The following IPO9 variants were observed in gnomAD, a reference collection of about 807,000 sequenced individuals.
IPO9 encodes the protein importin 9.
In IPO9, 28 loss-of-function variants were observed where a neutral mutation model predicts 128.6. The observed-to-expected ratio is 0.22, with a 90% confidence interval of 0.16 to 0.30. The LOEUF is 0.30. Among genes scored for constraint, IPO9 ranks in the 10% least tolerant of loss-of-function variants. The pLI, the probability that IPO9 is intolerant of heterozygous loss-of-function variation, is 1.00. For synonymous variants in IPO9, 455 were observed against 475.8 expected, an observed-to-expected ratio of 0.96 and a Z score of 0.57; for missense variants, 935 against 1,293.9, an observed-to-expected ratio of 0.72 and a Z score of 4.26.
At position 201,866,721 on chromosome 1, in the gene IPO9, A is replaced by G. The variant is rs1200028194; in HGVS notation, c.1629-12A>G. 2.5e-6 allele frequency: 4 copies of G among 1,591,740 alleles called. No individual in the cohort carries two copies. Among genetic ancestry groups the G allele is most frequent in the South Asian group, 1.1e-5 (1 of 90,550 alleles). On this transcript the variant is annotated splice_polypyrimidine_tract_variant and intron_variant, in intron 14 of 23. Coordinates refer to ENST00000361565, the MANE Select transcript of IPO9 (RefSeq NM_018085.5). ...TTTTTTTAATAATTCTTGCTTATCT[A>G]TCTCTCTCTAGTTATTGTGACCAAC... is the stretch of plus-strand genomic sequence containing the variant.
intron 1 of IPO9, among the ~76,000 whole-genome samples, chr1:201,841,531 G>C (rs766996649): frequency 6.6e-6 from 1 of 152,138 alleles, no homozygotes. Flanking sequence ...CTCTGAGAAC[G>C]CCTAGGAATA....
intron 15 of IPO9, among the ~76,000 whole-genome samples, chr1:201,868,283 TGTCTTCTTA>T (rs1229189009): frequency 6.6e-6 from 1 of 151,514 alleles, no homozygotes; most frequent in Non-Finnish European, 1.5e-5. Flanking sequence ...GCAGCTTTCA[TGTCTTCTTA>T]AAGTATCAGT....
rs900187950 is a variant in IPO9 at position 201,883,150 on chromosome 1, A to G, written c.*7096A>G. ...GCTGTGTGACATAAACTATCGGTGTATTAATTTGCTTTCACTAGATTCCCC... is the reference window on the plus strand; with the variant it reads ...GCTGTGTGACATAAACTATCGGTGTGTTAATTTGCTTTCACTAGATTCCCC... On this transcript the variant is annotated 3_prime_UTR_variant, in exon 24 of 24. Transcript: ENST00000361565. The G allele has an allele frequency of 2.1e-5, 3 of 144,204 alleles. No homozygotes were observed. The Admixed American group carries it at 2.1e-4, about 10-fold the overall frequency. 8.9% of individuals were successfully genotyped at this position (144,204 alleles called of 1,614,324 possible). A position where few individuals can be genotyped will look rare whatever the true frequency, so the allele number is the denominator to read the frequency against.
At position 201,843,726 on chromosome 1, in the gene IPO9, G is replaced by A. The variant is rs558058138; in HGVS notation, c.164-3553G>A. Among the ~76,000 whole-genome samples the A allele has an allele frequency of 2.6e-5, 4 of 151,862 alleles. No homozygotes were observed. The East Asian group carries it at 7.7e-4, about 29-fold the overall frequency. On this transcript the variant is annotated intron_variant, in intron 1 of 23. Coordinates refer to ENST00000361565, the MANE Select transcript of IPO9 (RefSeq NM_018085.5). ...TCCTGCAATTCCAGCTATTCCAGAG[G>A]CTGAGGCACAAGAATCGCTTGAACC...
chr1:201,842,741 ATAAT>A (rs1680056438), intron 1 of IPO9, among the ~76,000 whole-genome samples: 1 of 152,246 alleles, frequency 6.6e-6, no homozygotes, highest in Admixed American at 6.5e-5. Flanking sequence ...ATCCCATTCA[ATAAT>A]TAATAGTCTA....
Position 201,870,577 on chromosome 1 carries a change from C to G in IPO9, c.2134-6C>G. 2.5e-6 allele frequency: 4 copies of G among 1,610,010 alleles called. No homozygotes were observed. The highest frequency in any genetic ancestry group is 3.4e-6 in the Non-Finnish European group (4 of 1,176,760). The stretch of plus-strand genomic sequence containing the variant: ...CTAATCTTGCTTGCCACCCCTGTCT[C>G]CCCAGAATGGCGGAGAGTGCTTGCG... On this transcript the variant is annotated splice_region_variant and splice_polypyrimidine_tract_variant and intron_variant, in intron 17 of 23. Coordinates refer to ENST00000361565, the MANE Select transcript of IPO9 (RefSeq NM_018085.5). The surrounding 1 kb of genome is among the most constrained non-coding windows in gnomAD (Gnocchi z 4.9).
At position 201,868,886 on chromosome 1, in the gene IPO9, G is replaced by A. The variant is rs549009372; in HGVS notation, c.2004+90G>A. On this transcript the variant is annotated intron_variant, in intron 16 of 23. Transcript: ENST00000361565. ...ATCTAGCTGACAAGAACCTAATAGC[G>A]TTAGAGATTCATGGGGTGATTTTGC... 90 of 1,421,962 alleles carry A rather than the reference G, an allele frequency of 6.3e-5. No individual in the cohort carries two copies. In the East Asian group the frequency reaches 8.6e-4, roughly 14 times the overall value. The allele number at this position is 1,421,962 out of a possible 1,614,324, so 88.1% of individuals were successfully genotyped here. A position where few individuals can be genotyped will look rare whatever the true frequency, so the allele number is the denominator to read the frequency against.
rs1230232198 is a variant in IPO9 at position 201,874,270 on chromosome 1, A to G, written c.2731A>G (p.Ile911Val). 1 of 1,613,682 alleles carries G rather than the reference A, an allele frequency of 6.2e-7. No individual in the cohort carries two copies. The highest frequency in any genetic ancestry group is 1.7e-5 in the Admixed American group (1 of 59,974). ...CCCAGACCCAGAACGCTGGACAAAC[A>G]TTCCTTTGCTGGTCAAGATCCTAAA... ...SAKNPERWTN[I>V]PLLVKILKLI... is the part of the protein sequence containing the mutation. The change falls in exon 21 of 24, where the codon ATT becomes GTT. Residue 911 changes from isoleucine (I) to valine (V), a missense_variant. Ile to Val is a conservative substitution (Grantham distance 29, BLOSUM62 3). This residue lies in a region of IPO9 where 188 missense variants were observed against 246.7 expected (regional missense o/e 0.76). Transcript: ENST00000361565.
chr1:201,858,807 CTT>C (rs1680381207), intron 12 of IPO9, 46 bp from the exon 13 acceptor site: 1 of 1,552,442 alleles, frequency 6.4e-7, no homozygotes, highest in African/African-American at 1.4e-5. Context: ...ATATTTATCT[CTT>C]TTGGCAGTTT....
intron 6 of IPO9, among the ~76,000 whole-genome samples, chr1:201,854,316 C>G (rs2102878273): frequency 6.6e-6 from 1 of 152,302 alleles, no homozygotes; most frequent in South Asian, 2.1e-4. Context: ...GCAAAGCTAG[C>G]TGAAAAATAC....
At chr1:201,856,234 G>A (rs1033329242) in intron 10 of IPO9, among the ~76,000 whole-genome samples, 1 of 148,874 alleles carries the variant, frequency 6.7e-6, no homozygotes, top group Non-Finnish European at 1.5e-5. Flanking sequence ...GCCTCTCAAA[G>A]TGCTGGGATT....
At chr1:201,840,237 GAGCCACCGTGCCC>G (rs1453350327) in intron 1 of IPO9, among the ~76,000 whole-genome samples, 1 of 152,130 alleles carries the variant, frequency 6.6e-6, no homozygotes, top group African/African-American at 2.4e-5. Context: ...CTACAGGCAT[GAGCCACCGTGCCC>G]AGCTATTTTG....
intron 13 of IPO9, among the ~76,000 whole-genome samples, chr1:201,861,311 T>G (rs1235656151): frequency 1.3e-5 from 2 of 152,260 alleles, no homozygotes; most frequent in Non-Finnish European, 2.9e-5. Context: ...GGACTTATGA[T>G]TTTTCATCTT....
In IPO9 at chr1:201,870,995, C is replaced by G. The variant is rs530468658; in HGVS notation, c.2409+137C>G. ...TTAAGTAAAATGGGACCTGTCTGAT[C>G]TGTTTGGCCTAAGAAACATGGACAA... On this transcript the variant is annotated intron_variant, in intron 18 of 23. Coordinates refer to ENST00000361565, the MANE Select transcript of IPO9 (RefSeq NM_018085.5). The surrounding 1 kb of genome is among the most constrained non-coding windows in gnomAD (Gnocchi z 4.9). 2 of 1,302,430 alleles carry G rather than the reference C, an allele frequency of 1.5e-6. No individual in the cohort carries two copies. The highest frequency in any genetic ancestry group is 2.4e-5 in the Admixed American group (1 of 41,596). 80.7% of individuals were successfully genotyped at this position (1,302,430 alleles called of 1,614,324 possible). A position where few individuals can be genotyped will look rare whatever the true frequency, so the allele number is the denominator to read the frequency against.
At chr1:201,867,791 A>AAG (rs1168114640) in intron 15 of IPO9, among the ~76,000 whole-genome samples, 1 of 152,156 alleles carries the variant, frequency 6.6e-6, no homozygotes, top group Non-Finnish European at 1.5e-5. Flanking sequence ...GAAGCTCAGA[A>AAG]AGATGTACAG....
Position 201,876,278 on chromosome 1 carries a change from G to C in IPO9, c.*224G>C, listed in dbSNP as rs7514744. 4,920 of 666,548 alleles carry C rather than the reference G, an allele frequency of 7.4e-3. 158 individuals carry two copies. Among genetic ancestry groups the C allele is most frequent in the African/African-American group, 0.071 (3,996 of 56,254 alleles). 41.3% of individuals were successfully genotyped at this position (666,548 alleles called of 1,614,324 possible). The stretch of plus-strand genomic sequence containing the variant: ...TTTCTCAAAGTTCCCCTGAAGACAT[G>C]CCATCTCTAGAACCTTTTTTCTCCC... On this transcript the variant is annotated 3_prime_UTR_variant, in exon 24 of 24. Transcript: ENST00000361565.
intron 1 of IPO9, among the ~76,000 whole-genome samples, chr1:201,831,501 T>A (rs1291804396): frequency 6.6e-6 from 1 of 152,152 alleles, no homozygotes; most frequent in Non-Finnish European, 1.5e-5. Context: ...ACTATAGAGA[T>A]TTACCCCCTT....
Position 201,883,100 on chromosome 1 carries a change from C to T in IPO9, c.*7046C>T, listed in dbSNP as rs1680918661. The T allele has an allele frequency of 6.6e-6, 1 of 152,326 alleles. No homozygotes were observed. The highest frequency in any genetic ancestry group is 6.6e-5 in the Admixed American group (1 of 15,250). The allele number at this position is 152,326 out of a possible 1,614,324, so 9.4% of individuals were successfully genotyped here. A position where few individuals can be genotyped will look rare whatever the true frequency, so the allele number is the denominator to read the frequency against. ...GGTAGGCCCAGCTCTTGCCTTCCAC[C>T]TACTAAGCAGTTTTTCTGTGGTTAG... On this transcript the variant is annotated 3_prime_UTR_variant, in exon 24 of 24. Transcript: ENST00000361565.
At chr1:201,868,073 C>T (rs1324331615) in intron 15 of IPO9, among the ~76,000 whole-genome samples, 1 of 152,088 alleles carries the variant, frequency 6.6e-6, no homozygotes, top group Non-Finnish European at 1.5e-5. Context: ...TTTTTCCATA[C>T]TAAATAGAGG....
Sources: allele counts gnomAD v4.1 joint callset (sites outside exome capture counted in the v4.1 genomes callset), GRCh38; gene constraint gnomAD v4.1.1; regional missense constraint gnomAD v4.1.1; non-coding constraint Gnocchi (gnomAD v3.1); transcripts MANE v1.5; gene names NCBI Gene and HGNC (gene_info 2026-07-23, HGNC 2026-07-21).